TNR: variants seen among roughly 807,000 people sequenced by gnomAD.
TNR encodes tenascin-R.
A neutral mutation model predicts 150.4 loss-of-function variants in TNR; 45 were observed. The ratio of observed to expected loss-of-function variants is 0.30; its 90% CI spans 0.24 to 0.38. TNR has a LOEUF of 0.38. Ranked by LOEUF, TNR falls within the 10% of genes least tolerant of loss-of-function variation. TNR has a pLI of 1.00. For missense variants in TNR, 1,544 were observed against 1,759.1 expected (o/e 0.88, Z 2.19); for synonymous variants, 687 against 678.4 (o/e 1.01, Z -0.20).
rs1174793386 is a variant in TNR at position 175,321,968 on chromosome 1, A to T, written c.*1389T>A. ...TTCTTCTCCTGACTCTTATTAAGCCACCTACACTAAGGAGGGCTTGGGTGA... is the reference window on the plus strand; with the variant it reads ...TTCTTCTCCTGACTCTTATTAAGCCTCCTACACTAAGGAGGGCTTGGGTGA... On this transcript the variant is annotated 3_prime_UTR_variant, in exon 23 of 23. Transcript: ENST00000367674. The T allele has an allele frequency of 6.6e-6, 1 of 152,182 alleles. No homozygotes were observed. The allele number at this position is 152,182 out of a possible 1,614,324, so 9.4% of individuals were successfully genotyped here. A position where few individuals can be genotyped will look rare whatever the true frequency, so the allele number is the denominator to read the frequency against.
At chr1:175,356,577 T>A in intron 15 of TNR, 115 bp from the exon 16 acceptor site, 1 of 1,257,326 alleles carries the variant, frequency 8.0e-7, no homozygotes. Flanking sequence ...TGGAAAAAAA[T>A]CTTTCATAGG....
intron 1 of TNR, among the ~76,000 whole-genome samples, chr1:175,682,583 G>A (rs149213371): frequency 2.0e-3 from 304 of 152,276 alleles, no homozygotes; most frequent in African/African-American, 7.1e-3. Flanking sequence ...GGGCTCAGCT[G>A]AGACCATCCT....
rs1044737834 is a variant in TNR, at chr1:175,315,736, T to C, written c.*7621A>G. 1 of 152,174 alleles carries C rather than the reference T, an allele frequency of 6.6e-6. No homozygotes were observed. Among genetic ancestry groups the C allele is most frequent in the African/African-American group, 2.4e-5 (1 of 41,394 alleles). The allele number at this position is 152,174 out of a possible 1,614,324, so 9.4% of individuals were successfully genotyped here. ...GGCATCCCCATGGGCCTGGGGAGTA[T>C]TCGAGGTTGGAATCATTAGATGTGT... On this transcript the variant is annotated 3_prime_UTR_variant, in exon 23 of 23. Coordinates refer to ENST00000367674, the MANE Select transcript of TNR (RefSeq NM_003285.3).
At chr1:175,716,361 T>TCCTCCCACATCTGTCTCCCCTTCCC (rs1406080203) in intron 1 of TNR, among the ~76,000 whole-genome samples, 1 of 152,124 alleles carries the variant, frequency 6.6e-6, no homozygotes, top group African/African-American at 2.4e-5. Flanking sequence ...CAAACCTTAC[T>TCCTCCCACATCTGTCTCCCCTTCCC]CCTCCCACAT....
chr1:175,357,589 C>G (rs1651392354), intron 15 of TNR, among the ~76,000 whole-genome samples: 1 of 152,200 alleles, frequency 6.6e-6, no homozygotes, highest in Admixed American at 6.5e-5. Context: ...TTCTTACACT[C>G]TCACATCTCT....
chr1:175,683,597 A>T (rs1168024622), intron 1 of TNR, among the ~76,000 whole-genome samples: 1 of 152,176 alleles, frequency 6.6e-6, no homozygotes, highest in Non-Finnish European at 1.5e-5. Flanking sequence ...TCCCCAGCCC[A>T]GGCTGGACAT....
chr1:175,530,472 A>T (rs1660019857), intron 1 of TNR, among the ~76,000 whole-genome samples: 1 of 152,174 alleles, frequency 6.6e-6, no homozygotes, highest in Non-Finnish European at 1.5e-5. Context: ...CAGCTGCAAA[A>T]TTGAGTGCCT....
At chr1:175,620,176 C>T (rs1180659233) in intron 1 of TNR, among the ~76,000 whole-genome samples, 4 of 152,206 alleles carry the variant, frequency 2.6e-5, no homozygotes, top group Non-Finnish European at 5.9e-5. Flanking sequence ...GCACAGAACT[C>T]TTTCTCCCTG....
intron 2 of TNR, among the ~76,000 whole-genome samples, chr1:175,514,701 G>A (rs1251581218): frequency 2.0e-5 from 3 of 152,208 alleles, no homozygotes; most frequent in Non-Finnish European, 4.4e-5. Flanking sequence ...TGCCTGAACA[G>A]GCTTGATTTT....
At chr1:175,489,033 T>A (rs1237661705) in intron 2 of TNR, among the ~76,000 whole-genome samples, 1 of 152,186 alleles carries the variant, frequency 6.6e-6, no homozygotes, top group Non-Finnish European at 1.5e-5. Context: ...GCCCCAGAAT[T>A]TCAGGTCATT....
chr1:175,624,214 C>T (rs1008966640), intron 1 of TNR, among the ~76,000 whole-genome samples: 2 of 152,190 alleles, frequency 1.3e-5, no homozygotes, highest in East Asian at 1.9e-4. Context: ...CCAGGCTCAT[C>T]TGTCATCCTC....
chr1:175,738,408 T>A (rs1470341078), intron 1 of TNR, among the ~76,000 whole-genome samples: 1 of 152,194 alleles, frequency 6.6e-6, no homozygotes, highest in Non-Finnish European at 1.5e-5. Context: ...CTAAATAAAA[T>A]GAACTGGCTA....
At chr1:175,593,631 A>T (rs1357638448) in intron 1 of TNR, among the ~76,000 whole-genome samples, 1 of 152,178 alleles carries the variant, frequency 6.6e-6, no homozygotes, top group Non-Finnish European at 1.5e-5. Flanking sequence ...TCACTGGTTG[A>T]ACCAAAATCA....
chr1:175,323,315 CAAAT>C lies in TNR; in HGVS notation c.*38_*41del. 2 of 1,607,470 alleles carry C rather than the reference CAAAT, an allele frequency of 1.2e-6. No individual in the cohort carries two copies. Among genetic ancestry groups the C allele is most frequent in the South Asian group, 2.2e-5 (2 of 90,166 alleles). Reference sequence around the variant, plus strand: ...CTTGTTTCATATTATAAAATACAAACAAATGACAGAAAATATTGGTTGGCTTGCA... The same window carrying C: ...CTTGTTTCATATTATAAAATACAAACGACAGAAAATATTGGTTGGCTTGCA... On this transcript the variant is annotated 3_prime_UTR_variant, in exon 23 of 23. Coordinates refer to ENST00000367674, the MANE Select transcript of TNR (RefSeq NM_003285.3).
intron 1 of TNR, among the ~76,000 whole-genome samples, chr1:175,646,877 C>G (rs1312533377): frequency 6.6e-6 from 1 of 152,204 alleles, no homozygotes; most frequent in African/African-American, 2.4e-5. Flanking sequence ...TCCTCTTGAT[C>G]CAATACTCAC....
chr1:175,726,151 G>A (rs1194108039), intron 1 of TNR, among the ~76,000 whole-genome samples: 1 of 152,018 alleles, frequency 6.6e-6, no homozygotes, highest in Admixed American at 6.6e-5. Flanking sequence ...AGTGCTATTG[G>A]GTATGCTAAA....
At chr1:175,432,880 T>A (rs539920449) in intron 2 of TNR, among the ~76,000 whole-genome samples, 1 of 152,276 alleles carries the variant, frequency 6.6e-6, no homozygotes, top group African/African-American at 2.4e-5. Context: ...GTCTTTCTTT[T>A]TAGGAGTGGC....
intron 1 of TNR, among the ~76,000 whole-genome samples, chr1:175,595,640 T>A (rs1662978538): frequency 6.6e-6 from 1 of 152,168 alleles, no homozygotes; most frequent in African/African-American, 2.4e-5. Flanking sequence ...CTGTTTTAAG[T>A]CTATAGTAGA....
intron 1 of TNR, among the ~76,000 whole-genome samples, chr1:175,664,703 T>C (rs1228392602): frequency 6.6e-6 from 1 of 152,220 alleles, no homozygotes; most frequent in Non-Finnish European, 1.5e-5. Context: ...AACATTTACA[T>C]AAACAACCAA....
Sources: gnomAD v4.1 joint callset for allele counts (sites outside exome capture counted in the v4.1 genomes callset) on GRCh38, gnomAD v4.1.1 for gene constraint, MANE v1.5 for transcripts, NCBI Gene and HGNC (gene_info 2026-07-23, HGNC 2026-07-21) for gene names.